SLC16A9: variants seen among roughly 807,000 people sequenced by gnomAD.
SLC16A9 encodes the protein monocarboxylate transporter 9.
SLC16A9 carries 26 observed loss-of-function variants against 44.3 expected under a neutral mutation model. That is an observed-to-expected ratio of 0.59 (90% CI 0.43 to 0.81). The LOEUF is 0.81. SLC16A9 is among the 40% of genes least tolerant of loss of function. The pLI, the probability that SLC16A9 is intolerant of heterozygous loss-of-function variation, is 0.00. For synonymous variants in SLC16A9, 230 were observed against 225.1 expected, an observed-to-expected ratio of 1.02 and a Z score of -0.19; for missense variants, 559 against 595.8, an observed-to-expected ratio of 0.94 and a Z score of 0.64.
intron 1 of SLC16A9, 102 bp downstream of exon 1, chr10:59,709,376 CT>C (rs1469634410): frequency 6.6e-6 from 1 of 152,482 alleles, no homozygotes; most frequent in Non-Finnish European, 1.5e-5. Flanking sequence ...CCACCGCCCC[CT>C]CCTACTGCTC....
chr10:59,651,239 C>A lies in SLC16A9; in HGVS notation c.*1533G>T, dbSNP rs1369072525. 6.6e-6 allele frequency: 1 copy of A among 152,060 alleles called. No individual in the cohort carries two copies. Among genetic ancestry groups the A allele is most frequent in the Non-Finnish European group, 1.5e-5 (1 of 68,014 alleles). The allele number at this position is 152,060 out of a possible 1,614,324, so 9.4% of individuals were successfully genotyped here. On this transcript the variant is annotated 3_prime_UTR_variant, in exon 6 of 6. Coordinates refer to ENST00000395348, the MANE Select transcript of SLC16A9 (RefSeq NM_194298.3). ...ATTTGTGTTTATAAAGTGCTTCAGGCGCCTTCGAAGAAAGGCAACATACAA... is the reference window on the plus strand; with the variant it reads ...ATTTGTGTTTATAAAGTGCTTCAGGAGCCTTCGAAGAAAGGCAACATACAA...
intron 1 of SLC16A9, among the ~76,000 whole-genome samples, chr10:59,701,431 C>A (rs1840520573): frequency 2.0e-5 from 3 of 152,186 alleles, no homozygotes; most frequent in Admixed American, 2.0e-4. Flanking sequence ...TTCCATGGTT[C>A]CTCATTACCC....
chr10:59,676,482 G>T (rs568349188), intron 2 of SLC16A9, among the ~76,000 whole-genome samples: 2 of 152,224 alleles, frequency 1.3e-5, no homozygotes, highest in East Asian at 3.9e-4. Flanking sequence ...TGAAAACTCT[G>T]CAGAAGGGAA....
intron 4 of SLC16A9, among the ~76,000 whole-genome samples, chr10:59,661,870 A>T (rs1839482798): frequency 6.6e-6 from 1 of 152,126 alleles, no homozygotes; most frequent in Admixed American, 6.6e-5. Context: ...ACCTGACAAA[A>T]ACAAGCAATG....
intron 2 of SLC16A9, among the ~76,000 whole-genome samples, chr10:59,681,564 G>A (rs1466280697): frequency 1.1e-5 from 1 of 93,784 alleles, no homozygotes. Context: ...TGTATATGAT[G>A]TATATGTATA....
intron 1 of SLC16A9, among the ~76,000 whole-genome samples, chr10:59,707,327 G>T (rs1397973913): frequency 3.0e-5 from 4 of 132,864 alleles, no homozygotes; most frequent in Non-Finnish European, 6.5e-5. Context: ...GGGAAGGGAA[G>T]GGAAGGGAGG....
chr10:59,666,726 A>G (rs1839626160), intron 3 of SLC16A9, among the ~76,000 whole-genome samples: 1 of 152,146 alleles, frequency 6.6e-6, no homozygotes, highest in African/African-American at 2.4e-5. Flanking sequence ...TTAAAATATA[A>G]CATCGTTTTA....
chr10:59,701,522 T>G (rs1274646122), intron 1 of SLC16A9, among the ~76,000 whole-genome samples: 2 of 152,220 alleles, frequency 1.3e-5, no homozygotes, highest in African/African-American at 4.8e-5. Flanking sequence ...CAATCATTCT[T>G]TCCCTCATGA....
Position 59,684,091 on chromosome 10 carries a change from C to T in SLC16A9, c.196+5G>A. On this transcript the variant is annotated splice_donor_5th_base_variant and intron_variant, in intron 2 of 5. Transcript: ENST00000395348. ...GTAAAGAGAGGCATTAATTTATCCA[C>T]TTACTTGCAAGCAAGCCAACTCCAC... 6.2e-7 allele frequency: 1 copy of T among 1,608,342 alleles called. No homozygotes were observed. The highest frequency in any genetic ancestry group is 1.3e-5 in the African/African-American group (1 of 74,886).
chr10:59,653,576 T>A (rs956964074), intron 5 of SLC16A9, 99 bp downstream of exon 5: 8 of 991,196 alleles, frequency 8.1e-6, no homozygotes, highest in Admixed American at 7.4e-5. Flanking sequence ...AGATTTCTTT[T>A]GTACAAATCT....
intron 1 of SLC16A9, among the ~76,000 whole-genome samples, chr10:59,706,385 T>C (rs966822227): frequency 6.6e-6 from 1 of 152,110 alleles, no homozygotes; most frequent in African/African-American, 2.4e-5. Flanking sequence ...CAATCATTAA[T>C]TAAAATTGAA....
chr10:59,675,374 C>A (rs369272588), intron 2 of SLC16A9, among the ~76,000 whole-genome samples: 2 of 152,176 alleles, frequency 1.3e-5, no homozygotes, highest in African/African-American at 2.4e-5. Flanking sequence ...CATCAAGGTA[C>A]TGTTAGAGTA....
At chr10:59,665,701 A>C (rs1437880571) in intron 3 of SLC16A9, among the ~76,000 whole-genome samples, 13 of 152,194 alleles carry the variant, frequency 8.5e-5, no homozygotes. Flanking sequence ...CCCTTAACTA[A>C]GACTATTTCT....
rs576737419 is a variant in SLC16A9 at position 59,673,735 on chromosome 10, A to G, written c.197-822T>C. Among the ~76,000 whole-genome samples, 7 of 152,344 alleles carry G rather than the reference A, an allele frequency of 4.6e-5. No homozygotes were observed. The East Asian group carries it at 1.3e-3, about 29-fold the overall frequency. The stretch of plus-strand genomic sequence containing the variant: ...ACACACTGCTGGCAGTGTTTACTAA[A>G]GCCGAACACAGCACGCTGTAAAACC... On this transcript the variant is annotated intron_variant, in intron 2 of 5. Coordinates refer to ENST00000395348, the MANE Select transcript of SLC16A9 (RefSeq NM_194298.3).
At chr10:59,700,357 T>C (rs1377961263) in intron 1 of SLC16A9, among the ~76,000 whole-genome samples, 1 of 152,214 alleles carries the variant, frequency 6.6e-6, no homozygotes, top group Non-Finnish European at 1.5e-5. Context: ...AAGTTCATCT[T>C]TGCATTCTTC....
intron 2 of SLC16A9, among the ~76,000 whole-genome samples, chr10:59,678,540 C>CTTTTTTTTTTTTTTTTT (rs1426559419): frequency 1.3e-4 from 3 of 22,320 alleles, no homozygotes; most frequent in African/African-American, 1.9e-4. Context: ...TTTTCTTTTT[C>CTTTTTTTTTTTTTTTTT]TTTTTCTTTT....
In SLC16A9 at chr10:59,684,045, A is replaced by G. The variant is rs117756009; in HGVS notation, c.196+51T>C. The G allele has an allele frequency of 1.2e-3, 1,748 of 1,457,792 alleles. 3 individuals carry two copies. Among genetic ancestry groups the G allele is most frequent in the Non-Finnish European group, 1.5e-3 (1,626 of 1,058,646 alleles). 90.3% of individuals were successfully genotyped at this position (1,457,792 alleles called of 1,614,324 possible). A position where few individuals can be genotyped will look rare whatever the true frequency, so the allele number is the denominator to read the frequency against. On this transcript the variant is annotated intron_variant, in intron 2 of 5. Coordinates refer to ENST00000395348, the MANE Select transcript of SLC16A9 (RefSeq NM_194298.3). ...TTGCACAATGTTCATGATGTAGTAA[A>G]TGTAATTAAATGATTAAAGAGTAAA...
intron 1 of SLC16A9, among the ~76,000 whole-genome samples, chr10:59,700,079 C>G (rs550640405): frequency 6.6e-6 from 1 of 152,088 alleles, no homozygotes; most frequent in Non-Finnish European, 1.5e-5. Flanking sequence ...GAGGAAAGAC[C>G]AGAATGACAA....
intron 4 of SLC16A9, among the ~76,000 whole-genome samples, chr10:59,655,009 C>T (rs188066492): frequency 1.1e-4 from 17 of 152,110 alleles, no homozygotes; most frequent in African/African-American, 2.9e-4. Flanking sequence ...CAAGTATCAT[C>T]GGCTGGGTGT....
Sources: gnomAD v4.1 joint callset for allele counts (sites outside exome capture counted in the v4.1 genomes callset) on GRCh38, gnomAD v4.1.1 for gene constraint, MANE v1.5 for transcripts, NCBI Gene and HGNC (gene_info 2026-07-23, HGNC 2026-07-21) for gene names.